DIP2C: variants seen among roughly 807,000 people sequenced by gnomAD.
DIP2C encodes the protein disco-interacting protein 2 homolog C.
In DIP2C, 33 loss-of-function variants were observed where a neutral mutation model predicts 192.4. That is an observed-to-expected ratio of 0.17 (90% CI 0.13 to 0.23). The LOEUF is 0.23. DIP2C is among the 10% of genes least tolerant of loss of function. The pLI is 1.00. For synonymous variants in DIP2C, 979 were observed against 864.1 expected (o/e 1.13, Z -2.33); for missense variants, 1,537 against 2,110.1 (o/e 0.73, Z 5.32).
rs1024183691 is a variant in DIP2C, at chr10:552,862, G to T, written c.86-66332C>A. Among the ~76,000 whole-genome samples, 8 of 152,278 alleles carry T rather than the reference G, an allele frequency of 5.3e-5. No individual in the cohort carries two copies. The East Asian group carries it at 1.4e-3, about 26-fold the overall frequency. Reference sequence around the variant, plus strand: ...AGACTCCATCTCAAAAAAAAGTGACGAACACCCCATGTCTGCCCTGGCTCC... The same window carrying T: ...AGACTCCATCTCAAAAAAAAGTGACTAACACCCCATGTCTGCCCTGGCTCC... On this transcript the variant is annotated intron_variant, in intron 1 of 36. Transcript: ENST00000280886.
intron 2 of DIP2C, among the ~76,000 whole-genome samples, chr10:475,269 C>T (rs1970970112): frequency 2.0e-5 from 3 of 152,360 alleles, no homozygotes; most frequent in African/African-American, 7.2e-5. Flanking sequence ...TCTTGGCTTT[C>T]TCCATTTTGC....
intron 1 of DIP2C, among the ~76,000 whole-genome samples, chr10:624,437 G>A (rs1018420068): frequency 2.6e-5 from 4 of 152,306 alleles, no homozygotes; most frequent in African/African-American, 4.8e-5. Flanking sequence ...GGCAGCGCCC[G>A]CTCAGCTCCA....
At chr10:672,865 C>T (rs1030232041) in intron 1 of DIP2C, among the ~76,000 whole-genome samples, 5 of 152,164 alleles carry the variant, frequency 3.3e-5, no homozygotes, top group Non-Finnish European at 5.9e-5. Flanking sequence ...AAAGCTAACT[C>T]GGAGGGGTTG....
intron 1 of DIP2C, among the ~76,000 whole-genome samples, chr10:587,425 G>A (rs371612266): frequency 2.0e-5 from 3 of 152,208 alleles, no homozygotes; most frequent in South Asian, 2.1e-4. Flanking sequence ...TGCTGGGCAC[G>A]TGGGAGGCCA....
At chr10:616,885 G>T (rs1345485968) in intron 1 of DIP2C, among the ~76,000 whole-genome samples, 1 of 152,220 alleles carries the variant, frequency 6.6e-6, no homozygotes, top group Non-Finnish European at 1.5e-5. Flanking sequence ...TGAAAAGACA[G>T]ATTCAGATAA....
At chr10:500,773 T>A (rs890352841) in intron 1 of DIP2C, among the ~76,000 whole-genome samples, 3 of 152,194 alleles carry the variant, frequency 2.0e-5, no homozygotes, top group African/African-American at 7.2e-5. Flanking sequence ...GGGTAAGCAA[T>A]GGATAACAAA....
chr10:633,050 G>T (rs1316146156), intron 1 of DIP2C, among the ~76,000 whole-genome samples: 1 of 152,268 alleles, frequency 6.6e-6, no homozygotes, highest in East Asian at 1.9e-4. Context: ...TTCTGCAGCT[G>T]AACTCGAAGC....
chr10:321,603 G>A (rs940532314), intron 31 of DIP2C, among the ~76,000 whole-genome samples: 7 of 143,052 alleles, frequency 4.9e-5, no homozygotes, highest in African/African-American at 5.4e-5. Context: ...AGAGACCGGC[G>A]CTGTTAGAAC....
chr10:309,933 A>G, intron 32 of DIP2C, 98 bp downstream of exon 32: 1 of 1,186,194 alleles, frequency 8.4e-7, no homozygotes, highest in South Asian at 1.3e-5. Context: ...GCAGATAAAC[A>G]TCGTGTGCAC....
intron 1 of DIP2C, among the ~76,000 whole-genome samples, chr10:581,140 C>T (rs1341614591): frequency 6.6e-6 from 1 of 152,148 alleles, no homozygotes; most frequent in Admixed American, 6.5e-5. Context: ...AAGTAGGATT[C>T]CCCACCACAA....
At chr10:602,635 C>G (rs935634108) in intron 1 of DIP2C, among the ~76,000 whole-genome samples, 10 of 152,192 alleles carry the variant, frequency 6.6e-5, no homozygotes, top group African/African-American at 2.2e-4. Flanking sequence ...TTCCCAGCCT[C>G]CAGAGCTGTG....
At chr10:571,243 G>A (rs1017682140) in intron 1 of DIP2C, among the ~76,000 whole-genome samples, 1 of 152,252 alleles carries the variant, frequency 6.6e-6, no homozygotes. Flanking sequence ...CAGTGGCTGT[G>A]CGGACGACCT....
At chr10:484,928 C>T in intron 2 of DIP2C, 1 of 1,610,684 alleles carries the variant, frequency 6.2e-7, no homozygotes, top group South Asian at 1.1e-5. Flanking sequence ...CTACACCGAA[C>T]CACGGCAGCT....
chr10:650,357 G>A lies in DIP2C; in HGVS notation c.85+39137C>T, dbSNP rs566375861. 9.1e-5 allele frequency: 65 copies of A among 717,230 alleles called. 1 individual carries two copies. In the East Asian group the frequency reaches 9.7e-4, roughly 11 times the overall value. The allele number at this position is 717,230 out of a possible 1,614,324, so 44.4% of individuals were successfully genotyped here. A position where few individuals can be genotyped will look rare whatever the true frequency, so the allele number is the denominator to read the frequency against. ...CCACAGCCACTGCAAGCCCCAGACC[G>A]GGGCTGTGGATAACGCCAGCCCACG... is the stretch of plus-strand genomic sequence containing the variant. On this transcript the variant is annotated intron_variant, in intron 1 of 36. Coordinates refer to ENST00000280886, the MANE Select transcript of DIP2C (RefSeq NM_014974.3).
chr10:379,469 A>G (rs1410354272), intron 17 of DIP2C, among the ~76,000 whole-genome samples: 1 of 152,126 alleles, frequency 6.6e-6, no homozygotes, highest in Non-Finnish European at 1.5e-5. Flanking sequence ...CATCCCTGTC[A>G]GACCTGGGGC....
chr10:315,294 G>A (rs1024368406), intron 31 of DIP2C, among the ~76,000 whole-genome samples: 5 of 151,978 alleles, frequency 3.3e-5, no homozygotes, highest in African/African-American at 4.8e-5. Flanking sequence ...ATTCTAAAAC[G>A]TTTTCTTGTA....
chr10:285,204 G>A (rs558309985), intron 34 of DIP2C, among the ~76,000 whole-genome samples: 4 of 151,782 alleles, frequency 2.6e-5, no homozygotes, highest in South Asian at 2.1e-4. Context: ...AAGCTGGGAC[G>A]TGAGAACTGG....
chr10:439,825 A>G (rs968780237), intron 4 of DIP2C, among the ~76,000 whole-genome samples: 3 of 152,168 alleles, frequency 2.0e-5, no homozygotes, highest in African/African-American at 7.2e-5. Flanking sequence ...CTAAACTTCA[A>G]AAGTAAAAAT....
At chr10:664,818 G>A (rs1050116333) in intron 1 of DIP2C, 4 of 151,950 alleles carry the variant, frequency 2.6e-5, no homozygotes, top group Admixed American at 6.6e-5. Context: ...ATAAATATCA[G>A]GGTAGAAGGA....
Sources: gnomAD v4.1 joint callset for allele counts (sites outside exome capture counted in the v4.1 genomes callset) on GRCh38, gnomAD v4.1.1 for gene constraint, MANE v1.5 for transcripts, NCBI Gene and HGNC (gene_info 2026-07-23, HGNC 2026-07-21) for gene names.